CNTNAP5: variants seen among roughly 807,000 people sequenced by gnomAD.
The protein encoded by CNTNAP5 is contactin-associated protein-like 5.
In CNTNAP5, 72 loss-of-function variants were observed where a neutral mutation model predicts 150.2. That is an observed-to-expected ratio of 0.48 (90% CI 0.40 to 0.58). The LOEUF (loss-of-function observed/expected upper bound fraction) is 0.58, where lower values mean the gene tolerates loss of function less well. CNTNAP5 is among the 20% of genes least tolerant of loss of function. The probability of loss-of-function intolerance (pLI) is 0.00; values close to 1 mark genes in which losing one functional copy is unlikely to be tolerated. For missense variants in CNTNAP5, 1,636 were observed against 1,626.2 expected, an observed-to-expected ratio of 1.01 and a Z score of -0.10; for synonymous variants, 672 against 619.8, an observed-to-expected ratio of 1.08 and a Z score of -1.25.
intron 13 of CNTNAP5, among the ~76,000 whole-genome samples, chr2:124,662,084 G>A (rs2105046245): frequency 6.6e-6 from 1 of 152,126 alleles, no homozygotes; most frequent in African/African-American, 2.4e-5. Flanking sequence ...TCCCACTTAT[G>A]AGTGAGAACA....
chr2:124,377,111 T>A (rs558118825), intron 3 of CNTNAP5, among the ~76,000 whole-genome samples: 1 of 152,060 alleles, frequency 6.6e-6, no homozygotes, highest in African/African-American at 2.4e-5. Flanking sequence ...AGCCTTAAGG[T>A]TCCTCTCACG....
chr2:124,748,981 T>A (rs1378420789), intron 14 of CNTNAP5, among the ~76,000 whole-genome samples: 1 of 152,192 alleles, frequency 6.6e-6, no homozygotes, highest in Non-Finnish European at 1.5e-5. Flanking sequence ...CAACTATGAT[T>A]TGTAGCCTGG....
In CNTNAP5 at chr2:124,314,629, A is replaced by T. The variant is rs556346767; in HGVS notation, c.381+72236A>T. Among the ~76,000 whole-genome samples the T allele has an allele frequency of 2.0e-5, 3 of 152,320 alleles. No homozygotes were observed. In the East Asian group the frequency reaches 5.8e-4, roughly 29 times the overall value. ...TGAGTTTGTTTGTTTTCGTTTAGAA[A>T]TATAATGCATGCTTATTTTATACAA... is the stretch of plus-strand genomic sequence containing the variant. On this transcript the variant is annotated intron_variant, in intron 3 of 23. Transcript: ENST00000682447.
intron 13 of CNTNAP5, among the ~76,000 whole-genome samples, chr2:124,713,140 C>T (rs1486460977): frequency 6.7e-6 from 1 of 149,964 alleles, no homozygotes; most frequent in African/African-American, 2.4e-5. Context: ...TCCTTTCTTC[C>T]TTCCTTCCTT....
intron 10 of CNTNAP5, among the ~76,000 whole-genome samples, chr2:124,538,088 TG>T: frequency 6.6e-6 from 1 of 152,312 alleles, no homozygotes; most frequent in East Asian, 1.9e-4. Context: ...GCTGTATTTT[TG>T]CGATTGAGGT....
intron 3 of CNTNAP5, among the ~76,000 whole-genome samples, chr2:124,353,284 A>G (rs1339339408): frequency 2.1e-5 from 2 of 97,338 alleles, no homozygotes; most frequent in East Asian, 5.7e-4. Flanking sequence ...ACAAAAACAG[A>G]CCAAAAAAAA....
chr2:124,331,844 A>G (rs1203032618), intron 3 of CNTNAP5, among the ~76,000 whole-genome samples: 1 of 152,012 alleles, frequency 6.6e-6, no homozygotes, highest in Admixed American at 6.6e-5. Flanking sequence ...TTTGTAATTC[A>G]CTCAAAAGAT....
intron 12 of CNTNAP5, among the ~76,000 whole-genome samples, chr2:124,620,319 G>C (rs865788749): frequency 1.3e-5 from 2 of 151,980 alleles, no homozygotes; most frequent in African/African-American, 4.8e-5. Flanking sequence ...AACAGTTTGG[G>C]ATGTTGGAAA....
chr2:124,618,846 C>G (rs4848250), intron 12 of CNTNAP5, among the ~76,000 whole-genome samples: 65,020 of 151,922 alleles, frequency 0.43, 15,792 homozygotes, highest in Non-Finnish European at 0.56. Context: ...CACAAACCAT[C>G]CAAATAAATG....
chr2:124,113,704 C>A (rs1166964294), intron 1 of CNTNAP5, among the ~76,000 whole-genome samples: 1 of 151,824 alleles, frequency 6.6e-6, no homozygotes, highest in Non-Finnish European at 1.5e-5. Flanking sequence ...TTCCTTATAG[C>A]CTCTTGCATC....
intron 11 of CNTNAP5, among the ~76,000 whole-genome samples, chr2:124,602,249 G>A (rs1444278057): frequency 6.7e-6 from 1 of 150,354 alleles, no homozygotes; most frequent in African/African-American, 2.5e-5. Context: ...GGCTGAGGCA[G>A]GAGAATAGCT....
At chr2:124,804,000 A>G (rs1447647579) in intron 19 of CNTNAP5, among the ~76,000 whole-genome samples, 1 of 152,244 alleles carries the variant, frequency 6.6e-6, no homozygotes, top group Non-Finnish European at 1.5e-5. Context: ...TTTTGACAGC[A>G]TAACTAAGCC....
chr2:124,620,769 AC>A (rs1677596859), intron 12 of CNTNAP5, among the ~76,000 whole-genome samples: 1 of 149,000 alleles, frequency 6.7e-6, no homozygotes, highest in African/African-American at 2.5e-5. Context: ...ACACACACAC[AC>A]ACACATATAT....
At chr2:124,142,327 C>T (rs1380622199) in intron 1 of CNTNAP5, among the ~76,000 whole-genome samples, 1 of 145,432 alleles carries the variant, frequency 6.9e-6, no homozygotes, top group African/African-American at 2.6e-5. Context: ...CCCAAATCAA[C>T]AGAATATACA....
At chr2:124,893,303 C>T (rs1462195062) in intron 21 of CNTNAP5, among the ~76,000 whole-genome samples, 1 of 152,034 alleles carries the variant, frequency 6.6e-6, no homozygotes, top group Non-Finnish European at 1.5e-5. Flanking sequence ...GCCCTTAAAG[C>T]AGAATTTAGT....
intron 12 of CNTNAP5, among the ~76,000 whole-genome samples, chr2:124,638,965 C>T (rs1678030031): frequency 6.6e-6 from 1 of 152,152 alleles, no homozygotes; most frequent in South Asian, 2.1e-4. Context: ...CCGCTATTTG[C>T]AATATATAAC....
At chr2:124,763,297 G>C (rs1332938199) in intron 14 of CNTNAP5, among the ~76,000 whole-genome samples, 2 of 152,132 alleles carry the variant, frequency 1.3e-5, no homozygotes, top group Admixed American at 6.6e-5. Flanking sequence ...TGTGATGGCT[G>C]TTTCAAGTTA....
intron 14 of CNTNAP5, among the ~76,000 whole-genome samples, chr2:124,762,112 T>A (rs1370311757): frequency 6.6e-6 from 1 of 152,126 alleles, no homozygotes; most frequent in East Asian, 1.9e-4. Flanking sequence ...TACCGGAATG[T>A]GGAGATTGAA....
intron 11 of CNTNAP5, among the ~76,000 whole-genome samples, chr2:124,566,173 T>A (rs1310309696): frequency 6.6e-6 from 1 of 152,138 alleles, no homozygotes; most frequent in Non-Finnish European, 1.5e-5. Flanking sequence ...GTAACGTCAG[T>A]GCTGCTGTAA....
Sources: gnomAD v4.1 joint callset for allele counts (sites outside exome capture counted in the v4.1 genomes callset) on GRCh38, gnomAD v4.1.1 for gene constraint, MANE v1.5 for transcripts, NCBI Gene and HGNC (gene_info 2026-07-23, HGNC 2026-07-21) for gene names.